PBX3: variants seen among roughly 807,000 people sequenced by gnomAD.
PBX3 encodes the protein pre-B-cell leukemia transcription factor 3.
In PBX3, 14 loss-of-function variants were observed where a neutral mutation model predicts 48.5. The ratio of observed to expected loss-of-function variants is 0.29; its 90% CI spans 0.19 to 0.45. PBX3 has a LOEUF of 0.45. PBX3 is among the 20% of genes least tolerant of loss of function. The pLI is 1.00. For synonymous variants in PBX3, 210 were observed against 200.3 expected, an observed-to-expected ratio of 1.05 and a Z score of -0.41; for missense variants, 386 against 546.7, an observed-to-expected ratio of 0.71 and a Z score of 2.93.
intron 2 of PBX3, among the ~76,000 whole-genome samples, chr9:125,783,917 C>G (rs1440694510): frequency 6.6e-6 from 1 of 152,086 alleles, no homozygotes; most frequent in East Asian, 2.0e-4. Flanking sequence ...GGGAGGATCA[C>G]TTGAACCCAG....
At chr9:125,965,806 C>A in intron 8 of PBX3, 25 bp from the exon 9 acceptor site, 2 of 1,565,298 alleles carry the variant, frequency 1.3e-6, no homozygotes, top group Non-Finnish European at 1.8e-6. Context: ...GACGTGCACC[C>A]GTTGAACTGT....
chr9:125,784,547 A>G (rs1037631709), intron 2 of PBX3, among the ~76,000 whole-genome samples: 1 of 152,124 alleles, frequency 6.6e-6, no homozygotes, highest in African/African-American at 2.4e-5. Context: ...GCAGTGGACT[A>G]TGGCTGTTTG....
intron 2 of PBX3, among the ~76,000 whole-genome samples, chr9:125,853,123 C>T (rs1839627934): frequency 6.6e-6 from 1 of 152,048 alleles, no homozygotes; most frequent in Non-Finnish European, 1.5e-5. Context: ...TACTGTTGGC[C>T]ATGTTAGTAT....
At chr9:125,834,215 GA>G (rs966308807) in intron 2 of PBX3, among the ~76,000 whole-genome samples, 7 of 152,094 alleles carry the variant, frequency 4.6e-5, no homozygotes, top group Non-Finnish European at 7.4e-5. Context: ...GGAGACTTTA[GA>G]AAAAGTAGTT....
chr9:125,897,862 CTGAG>C (rs1405274450), intron 2 of PBX3, among the ~76,000 whole-genome samples: 2 of 151,770 alleles, frequency 1.3e-5, no homozygotes, highest in African/African-American at 4.8e-5. Flanking sequence ...TAATTAAGGA[CTGAG>C]TGTTTTAATA....
chr9:125,963,026 T>C lies in PBX3; in HGVS notation c.1137T>C (p.Arg379=). 6.2e-7 allele frequency: 1 copy of C among 1,604,190 alleles called. No individual in the cohort carries two copies. The highest frequency in any genetic ancestry group is 8.5e-7 in the Non-Finnish European group (1 of 1,171,990). Residue 379 remains arginine (R), a synonymous_variant, in exon 8 of 9, where the codon CGT becomes CGC. Coordinates refer to ENST00000373489, the MANE Select transcript of PBX3 (RefSeq NM_006195.6). ...CTCACTTCTAGGTGGATACCCTCCGTCATGTTATCAATCAGACGGGAGGCT... is the reference window on the plus strand; with the variant it reads ...CTCACTTCTAGGTGGATACCCTCCGCCATGTTATCAATCAGACGGGAGGCT... The part of the protein sequence containing the change: ...ANVQSQVDTL[R]HVINQTGGYS...
chr9:125,765,568 C>T lies in PBX3; in HGVS notation c.274+16945C>T, dbSNP rs1378509575. On this transcript the variant is annotated intron_variant, in intron 2 of 8. Transcript: ENST00000373489. The stretch of plus-strand genomic sequence containing the variant: ...AGAAGACTAGTTGAAGGGATATGAG[C>T]ACAAATACTACCTGTTTTTTTTCTT... Among the ~76,000 whole-genome samples, 7 of 152,268 alleles carry T rather than the reference C, an allele frequency of 4.6e-5. 1 individual carries two copies. The South Asian group carries it at 1.5e-3, about 32-fold the overall frequency.
At chr9:125,913,249 AT>A (rs942474515) in intron 2 of PBX3, among the ~76,000 whole-genome samples, 65 of 152,244 alleles carry the variant, frequency 4.3e-4, no homozygotes, top group African/African-American at 1.5e-3. Flanking sequence ...GATGCACATA[AT>A]TTATAAAGTA....
intron 2 of PBX3, among the ~76,000 whole-genome samples, chr9:125,793,377 A>G (rs1377962051): frequency 2.2e-5 from 3 of 136,670 alleles, no homozygotes; most frequent in Non-Finnish European, 4.6e-5. Flanking sequence ...ATATATATAT[A>G]TATATATATA....
chr9:125,891,639 C>G lies in PBX3; in HGVS notation c.275-24047C>G, dbSNP rs751797112. ...ATTCAAAAGTTTGTTTTCTTTTAAG[C>G]CTTAGGAAAAACATCTCTATTCTTT... On this transcript the variant is annotated intron_variant, in intron 2 of 8. Transcript: ENST00000373489. Among the ~76,000 whole-genome samples, 10 of 152,236 alleles carry G rather than the reference C, an allele frequency of 6.6e-5. No individual in the cohort carries two copies. In the South Asian group the frequency reaches 1.2e-3, roughly 19 times the overall value.
At chr9:125,902,794 A>G (rs1840980688) in intron 2 of PBX3, among the ~76,000 whole-genome samples, 1 of 151,710 alleles carries the variant, frequency 6.6e-6, no homozygotes, top group Non-Finnish European at 1.5e-5. Flanking sequence ...ATTACTGTAC[A>G]TGTTGTGAAG....
At position 125,946,480 on chromosome 9, in the gene PBX3, A is replaced by G. The variant is rs148766164; in HGVS notation, c.843+10873A>G. ...ATGGACTATAAAATAACTATGCTTA[A>G]TATCTATAATGGGGGAAAGACAAAC... On this transcript the variant is annotated intron_variant, in intron 5 of 8. Transcript: ENST00000373489. 2.6e-3 allele frequency among the ~76,000 whole-genome samples: 392 copies of G among 152,328 alleles called. 1 individual carries two copies. Among genetic ancestry groups the G allele is most frequent in the African/African-American group, 9.0e-3 (376 of 41,572 alleles).
chr9:125,885,620 T>A (rs1840481207), intron 2 of PBX3, among the ~76,000 whole-genome samples: 1 of 152,136 alleles, frequency 6.6e-6, no homozygotes, highest in African/African-American at 2.4e-5. Flanking sequence ...CCATATTGCT[T>A]CCTATTACTC....
intron 2 of PBX3, among the ~76,000 whole-genome samples, chr9:125,910,570 G>T (rs151214466): frequency 8.6e-5 from 13 of 151,686 alleles, no homozygotes; most frequent in Non-Finnish European, 1.8e-4. Context: ...GTGCATTGCC[G>T]TGTTATATTT....
At chr9:125,776,628 C>T (rs111242522) in intron 2 of PBX3, among the ~76,000 whole-genome samples, 3,930 of 152,124 alleles carry the variant, frequency 0.026, 67 homozygotes, top group Middle Eastern at 0.052. Context: ...CTCTGCCCCC[C>T]GGGCTCAAGT....
At chr9:125,860,061 A>G (rs1018357764) in intron 2 of PBX3, among the ~76,000 whole-genome samples, 1 of 152,190 alleles carries the variant, frequency 6.6e-6, no homozygotes. Flanking sequence ...CAACCTCCAA[A>G]TCTTTATGGC....
chr9:125,874,177 A>AAG (rs1840193137), intron 2 of PBX3, among the ~76,000 whole-genome samples: 4 of 152,190 alleles, frequency 2.6e-5, no homozygotes, highest in Admixed American at 2.6e-4. Context: ...GTAATCTTAT[A>AAG]ATCTTTGAAT....
At chr9:125,888,100 T>A (rs1361920177) in intron 2 of PBX3, among the ~76,000 whole-genome samples, 1 of 152,174 alleles carries the variant, frequency 6.6e-6, no homozygotes, top group African/African-American at 2.4e-5. Context: ...GAGGAATATG[T>A]GCATTTAGAC....
chr9:125,835,061 A>G (rs1192026320), intron 2 of PBX3, among the ~76,000 whole-genome samples: 1 of 149,580 alleles, frequency 6.7e-6, no homozygotes, highest in African/African-American at 2.5e-5. Flanking sequence ...AGGGCAAAAG[A>G]TATGAAAAGA....
Sources: gnomAD v4.1 joint callset for allele counts (sites outside exome capture counted in the v4.1 genomes callset) on GRCh38, gnomAD v4.1.1 for gene constraint, MANE v1.5 for transcripts, NCBI Gene and HGNC (gene_info 2026-07-23, HGNC 2026-07-21) for gene names.